The following MEGF11 variants were observed in gnomAD, a reference collection of about 807,000 sequenced individuals.
MEGF11 encodes multiple EGF like domains 11.
Under a neutral mutation model 146.6 loss-of-function variants are expected in MEGF11, and 126 were observed. The observed-to-expected ratio is 0.86, with a 90% CI of 0.74 to 1.00. The LOEUF (loss-of-function observed/expected upper bound fraction) is 1.00. MEGF11 is among the 50% of genes least tolerant of loss of function. The pLI is 0.00. For synonymous variants in MEGF11, 532 were observed against 583.4 expected (o/e 0.91, Z 1.27); for missense variants, 1,509 against 1,521.2 (o/e 0.99, Z 0.13).
chr15:66,082,510 T>A (rs1439810030), intron 5 of MEGF11, among the ~76,000 whole-genome samples: 29 of 119,402 alleles, frequency 2.4e-4, no homozygotes, highest in Non-Finnish European at 4.5e-4. Flanking sequence ...TCTATCTATC[T>A]ATCTATAAAT....
chr15:65,938,502 A>G (rs1022001886), intron 10 of MEGF11, among the ~76,000 whole-genome samples: 17 of 152,122 alleles, frequency 1.1e-4, no homozygotes, highest in African/African-American at 4.1e-4. Context: ...CTTTCTTAGC[A>G]CCTGGAAGTT....
intron 1 of MEGF11, among the ~76,000 whole-genome samples, chr15:66,183,595 AG>A (rs1344189190): frequency 6.6e-6 from 1 of 152,072 alleles, no homozygotes. Context: ...GCCAAACAAA[AG>A]CTGTTCATGA....
At chr15:66,155,479 T>C (rs115835264) in intron 1 of MEGF11, among the ~76,000 whole-genome samples, 321 of 152,294 alleles carry the variant, frequency 2.1e-3, no homozygotes, top group African/African-American at 7.6e-3. Flanking sequence ...CCTTGCTGAC[T>C]TCCTCCAGTC....
intron 5 of MEGF11, among the ~76,000 whole-genome samples, chr15:66,040,824 G>A (rs777271519): frequency 6.6e-6 from 1 of 152,072 alleles, no homozygotes; most frequent in Non-Finnish European, 1.5e-5. Context: ...GTTGTGCACT[G>A]CTCAAGGTAC....
intron 5 of MEGF11, among the ~76,000 whole-genome samples, chr15:66,019,684 T>C (rs2083034029): frequency 6.6e-6 from 1 of 152,244 alleles, no homozygotes. Flanking sequence ...TGGGTTGGAA[T>C]ACTGCTTGCT....
At chr15:66,059,233 C>A (rs921171103) in intron 5 of MEGF11, among the ~76,000 whole-genome samples, 2 of 152,158 alleles carry the variant, frequency 1.3e-5, no homozygotes, top group African/African-American at 2.4e-5. Context: ...TTCCCTCCCC[C>A]GCGCCATCCT....
At chr15:66,194,883 G>T (rs1457605686) in intron 1 of MEGF11, among the ~76,000 whole-genome samples, 3 of 152,046 alleles carry the variant, frequency 2.0e-5, no homozygotes, top group Non-Finnish European at 4.4e-5. Context: ...CAAACATAAT[G>T]CAAAGACAAG....
intron 1 of MEGF11, among the ~76,000 whole-genome samples, chr15:66,164,820 A>G (rs2090053752): frequency 6.6e-6 from 1 of 152,250 alleles, no homozygotes; most frequent in Non-Finnish European, 1.5e-5. Flanking sequence ...CATTTGTCTG[A>G]CAACCAGAGA....
intron 8 of MEGF11, among the ~76,000 whole-genome samples, chr15:65,965,571 C>CCTTCCTTTCTTTCTTTCTTTCTTTCTTT (rs2081038317): frequency 1.5e-5 from 1 of 66,564 alleles, no homozygotes; most frequent in Non-Finnish European, 2.8e-5. Flanking sequence ...CAGTGAGGTC[C>CCTTCCTTTCTTTCTTTCTTTCTTTCTTT]CTTTCTTTCT....
intron 5 of MEGF11, among the ~76,000 whole-genome samples, chr15:66,061,881 TC>T (rs1276620233): frequency 6.6e-6 from 1 of 152,220 alleles, no homozygotes; most frequent in Non-Finnish European, 1.5e-5. Flanking sequence ...CAAGTGATCC[TC>T]CTGCTTCAGC....
At chr15:66,154,124 G>A (rs1449722841) in intron 1 of MEGF11, among the ~76,000 whole-genome samples, 1 of 152,208 alleles carries the variant, frequency 6.6e-6, no homozygotes, top group African/African-American at 2.4e-5. Context: ...ACCCACCAAT[G>A]AGCAGCTTTG....
At chr15:66,170,020 A>T (rs2141110254) in intron 1 of MEGF11, among the ~76,000 whole-genome samples, 1 of 152,344 alleles carries the variant, frequency 6.6e-6, no homozygotes, top group Admixed American at 6.5e-5. Context: ...TGCCGAAAAA[A>T]AAAAAAATTC....
intron 5 of MEGF11, among the ~76,000 whole-genome samples, chr15:66,029,935 C>T (rs143814489): frequency 6.6e-6 from 1 of 152,342 alleles, no homozygotes; most frequent in Non-Finnish European, 1.5e-5. Flanking sequence ...CTCCCTGTCT[C>T]CCCAGCACCA....
chr15:65,981,691 A>G (rs748203), intron 6 of MEGF11, among the ~76,000 whole-genome samples: 26,346 of 151,780 alleles, frequency 0.17, 2,604 homozygotes, highest in Non-Finnish European at 0.23. Flanking sequence ...TGTCAATACT[A>G]CTCTCTGGGG....
At chr15:66,152,875 C>T (rs1252722715) in intron 1 of MEGF11, among the ~76,000 whole-genome samples, 1 of 152,228 alleles carries the variant, frequency 6.6e-6, no homozygotes, top group African/African-American at 2.4e-5. Context: ...GGTATCCAGG[C>T]TGAAGGAGGC....
chr15:66,060,044 G>A lies in MEGF11; in HGVS notation c.394+34358C>T, dbSNP rs562316510. ...TTAGGATTGTGGGATGGGGGCAGGC[G>A]GGGAACCAAGGGACAAGAGAGACAG... On this transcript the variant is annotated intron_variant, in intron 5 of 25. Coordinates refer to ENST00000395614, the MANE Select transcript of MEGF11 (RefSeq NM_001385028.1). Among the ~76,000 whole-genome samples the A allele has an allele frequency of 9.9e-5, 15 of 152,048 alleles. No homozygotes were observed. The South Asian group carries it at 2.7e-3, about 27-fold the overall frequency.
chr15:65,986,464 C>T (rs1391200488), intron 5 of MEGF11, among the ~76,000 whole-genome samples: 4 of 151,956 alleles, frequency 2.6e-5, no homozygotes, highest in Admixed American at 1.3e-4. Flanking sequence ...TAATTCATTC[C>T]AGAGAAATTT....
intron 1 of MEGF11, among the ~76,000 whole-genome samples, chr15:66,129,030 C>A (rs2088526636): frequency 6.6e-6 from 1 of 152,204 alleles, no homozygotes; most frequent in African/African-American, 2.4e-5. Flanking sequence ...GCCATTCCCA[C>A]TGAGGGATGC....
At chr15:66,037,552 T>C (rs1210539988) in intron 5 of MEGF11, among the ~76,000 whole-genome samples, 1 of 152,170 alleles carries the variant, frequency 6.6e-6, no homozygotes, top group Non-Finnish European at 1.5e-5. Context: ...TAAGTGCTCT[T>C]TGAGGGTGAG....
Sources: allele counts gnomAD v4.1 joint callset (sites outside exome capture counted in the v4.1 genomes callset), GRCh38; gene constraint gnomAD v4.1.1; transcripts MANE v1.5; gene names NCBI Gene and HGNC (gene_info 2026-07-23, HGNC 2026-07-21).